The following AVPR2 variants were observed in gnomAD, a reference collection of about 807,000 sequenced individuals.
AVPR2 encodes arginine vasopressin receptor 2.
In AVPR2, 3 loss-of-function variants were observed where a neutral mutation model predicts 12.0. The ratio of observed to expected loss-of-function variants is 0.25; its 90% confidence interval spans 0.11 to 0.64. The LOEUF is 0.64. Among genes scored for constraint, AVPR2 ranks in the 30% least tolerant of loss-of-function variants. The probability of loss-of-function intolerance (pLI) is 0.84; values close to 1 mark genes in which losing one functional copy is unlikely to be tolerated. For missense variants in AVPR2, 279 were observed against 347.9 expected, an observed-to-expected ratio of 0.80 and a Z score of 1.58; for synonymous variants, 143 against 147.5, an observed-to-expected ratio of 0.97 and a Z score of 0.22.
At position 153,906,360 on chromosome X, in the gene AVPR2, C is replaced by T. The variant is rs1819073800; in HGVS notation, c.854C>T (p.Ala285Val). 1 of 1,210,425 alleles carries T rather than the reference C, an allele frequency of 8.3e-7. No homozygotes were observed. The highest frequency in any genetic ancestry group is 1.7e-5 in the African/African-American group (1 of 57,385). The change falls in exon 3 of 4, where the codon GCA (alanine) becomes GTA (valine). Residue 285 changes from alanine to valine, a missense_variant. By Grantham distance (64) the Ala-to-Val change is moderately conservative. Coordinates refer to ENST00000646375, the MANE Select transcript of AVPR2 (RefSeq NM_000054.7). ...GTGGTCGTCTATGTGCTGTGCTGGG[C>T]ACCCTTCTTCCTGGTGCAGCTGTGG... is the stretch of plus-strand genomic sequence containing the variant. Reference protein sequence around the residue: ...VIVVVYVLCWAPFFLVQLWAA... With the variant: ...VIVVVYVLCWVPFFLVQLWAA...
In AVPR2 at chrX:153,907,147, A is replaced by C; in HGVS notation, c.*419A>C. On this transcript the variant is annotated 3_prime_UTR_variant, in exon 4 of 4. Coordinates refer to ENST00000646375, the MANE Select transcript of AVPR2 (RefSeq NM_000054.7). ...CCTCCTCATTCTCTCCCTAATAAAA[A>C]TTGGAGCTCATTTTCCACATGGCAA... The C allele has an allele frequency of 2.9e-6, 1 of 348,010 alleles. No individual in the cohort carries two copies. The highest frequency in any genetic ancestry group is 5.5e-6 in the Non-Finnish European group (1 of 182,505). 28.7% of individuals were successfully genotyped at this position (348,010 alleles called of 1,213,427 possible). A position where few individuals can be genotyped will look rare whatever the true frequency, so the allele number is the denominator to read the frequency against.
Position 153,906,525 on chromosome X carries a change from G to A in AVPR2, c.913G>A (p.Ala305Thr), listed in dbSNP as rs145953185. Reference sequence around the variant, plus strand: ...ACCTAGATCCTCCACCTCCACAGGGGCGCCCTTTGTGCTACTCATGTTGCT... The same window carrying A: ...ACCTAGATCCTCCACCTCCACAGGGACGCCCTTTGTGCTACTCATGTTGCT... The part of the protein sequence containing the change: ...AWDPEAPLEG[A>T]PFVLLMLLAS... Residue 305 changes from alanine to threonine, a missense_variant and splice_region_variant, in exon 4 of 4, where the codon GCG becomes ACG. By Grantham distance (58) the Ala-to-Thr change is moderately conservative. Coordinates refer to ENST00000646375, the MANE Select transcript of AVPR2 (RefSeq NM_000054.7). 9.7e-5 allele frequency: 117 copies of A among 1,206,874 alleles called. No individual in the cohort carries two copies. The African/African-American group carries it at 1.8e-3, about 19-fold the overall frequency.
Position 153,905,934 on chromosome X carries a change from G to A in AVPR2, c.428G>A (p.Arg143His), listed in dbSNP as rs146238429. 4.2e-5 allele frequency: 51 copies of A among 1,203,172 alleles called. No individual in the cohort carries two copies. The highest frequency in any genetic ancestry group is 1.5e-4 in the Admixed American group (7 of 46,108). ...MTLDRHRAIC[R>H]PMLAYRHGSG... ...CTGGACCGCCACCGTGCCATCTGCC[G>A]TCCCATGCTGGCGTACCGCCATGGA... Residue 143 changes from arginine (R) to histidine (H), a missense_variant, in exon 3 of 4, where the codon CGT (arginine) becomes CAT (histidine). Coordinates refer to ENST00000646375, the MANE Select transcript of AVPR2 (RefSeq NM_000054.7).
At chrX:153,903,287 G>A (rs949974719), upstream of AVPR2, among the ~76,000 whole-genome samples, 4 of 113,322 alleles carry the variant, frequency 3.5e-5, no homozygotes, top group Non-Finnish European at 7.5e-5. Context: ...CAGCTGAAGC[G>A]TCAGGCCTGG....
rs2064957926 is a variant in AVPR2 at position 153,905,622 on chromosome X, C to T, written c.116C>T (p.Ala39Val). The T allele has an allele frequency of 4.1e-6, 5 of 1,210,383 alleles. No individual in the cohort carries two copies. The highest frequency in any genetic ancestry group is 3.5e-5 in the South Asian group (2 of 56,840). ...ACCCGGGACCCGCTGCTAGCCCGGG[C>T]GGAGCTGGCGCTGCTCTCCATAGTC... ...LDTRDPLLAR[A>V]ELALLSIVFV... The change falls in exon 3 of 4, where the codon GCG becomes GTG. Residue 39 changes from alanine to valine, a missense_variant. Coordinates refer to ENST00000646375, the MANE Select transcript of AVPR2 (RefSeq NM_000054.7).
Position 153,906,693 on chromosome X carries a change from G to A in AVPR2, c.1081G>A (p.Ala361Thr), listed in dbSNP as rs782297695. Residue 361 changes from alanine (A) to threonine (T), a missense_variant, in exon 4 of 4, where the codon GCC becomes ACC. Physicochemically the swap from Ala to Thr is moderately conservative, Grantham distance 58 (BLOSUM62 0). Coordinates refer to ENST00000646375, the MANE Select transcript of AVPR2 (RefSeq NM_000054.7). Reference sequence around the variant, plus strand: ...TCCCCAAGATGAGTCCTGCACCACCGCCAGCTCCTCCCTGGCCAAGGACAC... The same window carrying A: ...TCCCCAAGATGAGTCCTGCACCACCACCAGCTCCTCCCTGGCCAAGGACAC... The part of the protein sequence containing the change: ...LGPQDESCTT[A>T]SSSLAKDTSS 18 of 1,210,606 alleles carry A rather than the reference G, an allele frequency of 1.5e-5. No homozygotes were observed. In the East Asian group the frequency reaches 3.0e-4, roughly 20 times the overall value.
rs1557100761 is a variant in AVPR2, at chrX:153,906,063, G to A, written c.557G>A (p.Gly186Asp). 1.7e-5 allele frequency: 21 copies of A among 1,211,745 alleles called. No homozygotes were observed. The highest frequency in any genetic ancestry group is 2.2e-5 in the Non-Finnish European group (20 of 895,553). The change falls in exon 3 of 4, where the codon GGC (glycine) becomes GAC (aspartate). Residue 186 changes from glycine to aspartate, a missense_variant. By Grantham distance (94) the Gly-to-Asp change is moderately conservative. Coordinates refer to ENST00000646375, the MANE Select transcript of AVPR2 (RefSeq NM_000054.7). ...TTCGCCCAGCGCAACGTGGAAGGTG[G>A]CAGCGGGGTCACTGACTGCTGGGCC... ...FIFAQRNVEG[G>D]SGVTDCWACF... is the part of the protein sequence containing the mutation.
In AVPR2 at chrX:153,906,183, T is replaced by C. The variant is rs1557100814; in HGVS notation, c.677T>C (p.Val226Ala). The change falls in exon 3 of 4, where the codon GTG becomes GCG. Residue 226 changes from valine (V) to alanine (A), a missense_variant. Transcript: ENST00000646375. ...APTLGIAACQVLIFREIHASL... is the reference protein window; with the variant it reads ...APTLGIAACQALIFREIHASL... ...ACCCTGGGTATCGCCGCCTGCCAGG[T>C]GCTCATCTTCCGGGAGATTCATGCC... 1 of 1,212,309 alleles carries C rather than the reference T, an allele frequency of 8.2e-7. No homozygotes were observed.
chrX:153,906,694 C>T lies in AVPR2; in HGVS notation c.1082C>T (p.Ala361Val), dbSNP rs2064970740. 1 of 1,210,665 alleles carries T rather than the reference C, an allele frequency of 8.3e-7. No individual in the cohort carries two copies. Residue 361 changes from alanine to valine, a missense_variant, in exon 4 of 4, where the codon GCC (alanine) becomes GTC (valine). Transcript: ENST00000646375. The part of the protein sequence containing the change: ...LGPQDESCTT[A>V]SSSLAKDTSS Reference sequence around the variant, plus strand: ...CCCCAAGATGAGTCCTGCACCACCGCCAGCTCCTCCCTGGCCAAGGACACT... The same window carrying T: ...CCCCAAGATGAGTCCTGCACCACCGTCAGCTCCTCCCTGGCCAAGGACACT...
At position 153,906,902 on chromosome X, in the gene AVPR2, C is replaced by T. The variant is rs1557101242; in HGVS notation, c.*174C>T. 3.6e-6 allele frequency: 2 copies of T among 555,677 alleles called. No homozygotes were observed. The highest frequency in any genetic ancestry group is 7.2e-5 in the East Asian group (2 of 27,723). 45.8% of individuals were successfully genotyped at this position (555,677 alleles called of 1,213,427 possible). A position where few individuals can be genotyped will look rare whatever the true frequency, so the allele number is the denominator to read the frequency against. ...GCCACAGCCCCTGCCTGGGTCTCCA[C>T]ATCCCCAGCTGTATGAGGAGAGCTT... On this transcript the variant is annotated 3_prime_UTR_variant, in exon 4 of 4. Coordinates refer to ENST00000646375, the MANE Select transcript of AVPR2 (RefSeq NM_000054.7).
rs1217167048 is a variant in AVPR2 at position 153,906,819 on chromosome X, T to C, written c.*91T>C. 2 of 942,587 alleles carry C rather than the reference T, an allele frequency of 2.1e-6. No homozygotes were observed. The highest frequency in any genetic ancestry group is 3.0e-6 in the Non-Finnish European group (2 of 669,044). 77.7% of individuals were successfully genotyped at this position (942,587 alleles called of 1,213,427 possible). On this transcript the variant is annotated 3_prime_UTR_variant, in exon 4 of 4. Transcript: ENST00000646375. ...TGGGAGCCACTGGGAGGGGGACCCG[T>C]GGAGAATTGGCCAGAGCCTGTGGCC...
upstream of AVPR2, among the ~76,000 whole-genome samples, chrX:153,904,223 C>G (rs181380839): frequency 8.9e-6 from 1 of 112,092 alleles, no homozygotes; most frequent in East Asian, 2.8e-4. Flanking sequence ...TCCTCCCTTT[C>G]CTGTCCCTCG....
At chrX:153,902,718 C>A (rs1557099674), upstream of AVPR2, 1 of 329,971 alleles carries the variant, frequency 3.0e-6, no homozygotes, top group Non-Finnish European at 5.9e-6. Context: ...GGCCCTTCCT[C>A]CAGATTCTTC....
intron 2 of AVPR2, 38 bp downstream of exon 2, chrX:153,905,208 G>A (rs2064954115): frequency 8.3e-7 from 1 of 1,208,587 alleles, no homozygotes. Context: ...TGGGCAGAGT[G>A]GGTTTGACGA....
rs782412366 is a variant in AVPR2, at chrX:153,905,974, G to T, written c.468G>T (p.Trp156Cys). 2.5e-6 allele frequency: 3 copies of T among 1,204,373 alleles called. No homozygotes were observed. In the African/African-American group the frequency reaches 5.2e-5, roughly 21 times the overall value. ...ACCGCCATGGAAGTGGGGCTCACTG[G>T]AACCGGCCGGTGCTAGTGGCTTGGG... The part of the protein sequence containing the change: ...LAYRHGSGAH[W>C]NRPVLVAWAF... Residue 156 changes from tryptophan to cysteine, a missense_variant, in exon 3 of 4, where the codon TGG (tryptophan) becomes TGT (cysteine). By Grantham distance (215) the Trp-to-Cys change is radical (BLOSUM62 -2). Transcript: ENST00000646375.
rs5204 is a variant in AVPR2, at chrX:153,906,745, T to C, written c.*17T>C. ...TCATCGTGAGGAGCTGTTGGGTGTC[T>C]TGCCTCTAGAGGCTTTGAGAAGCTC... On this transcript the variant is annotated 3_prime_UTR_variant, in exon 4 of 4. Coordinates refer to ENST00000646375, the MANE Select transcript of AVPR2 (RefSeq NM_000054.7). 376 of 1,195,702 alleles carry C rather than the reference T, an allele frequency of 3.1e-4. No homozygotes were observed. The African/African-American group carries it at 5.7e-3, about 18-fold the overall frequency.
Position 153,906,650 on chromosome X carries a change from C to A in AVPR2, c.1038C>A (p.Arg346=), listed in dbSNP as rs1557101109. The change falls in exon 4 of 4, where the codon CGC becomes CGA. Residue 346 remains arginine (R), a synonymous_variant. Transcript: ENST00000646375. ...GCTTGCTCTGCTGTGCCCGGGGACGCACCCCACCCAGCCTGGGTCCCCAAG... is the reference window on the plus strand; with the variant it reads ...GCTTGCTCTGCTGTGCCCGGGGACGAACCCCACCCAGCCTGGGTCCCCAAG... ...LRSLLCCARG[R]TPPSLGPQDE... is the part of the protein sequence containing the mutation. 2 of 1,209,446 alleles carry A rather than the reference C, an allele frequency of 1.7e-6. No individual in the cohort carries two copies.
intron 2 of AVPR2, 143 bp from the exon 3 acceptor site, chrX:153,905,389 G>A: frequency 1.2e-6 from 1 of 808,352 alleles, no homozygotes; most frequent in South Asian, 2.3e-5. Flanking sequence ...CCTGGGGTGT[G>A]TATCCCTCAT....
intron 3 of AVPR2, 48 bp downstream of exon 3, chrX:153,906,464 G>A (rs782786048): frequency 8.2e-5 from 98 of 1,199,903 alleles, no homozygotes; most frequent in Non-Finnish European, 8.2e-5. Flanking sequence ...GGGCTTGGCC[G>A]CATGCCCCTG....
Sources: gnomAD v4.1 joint callset for allele counts (sites outside exome capture counted in the v4.1 genomes callset) on GRCh38, gnomAD v4.1.1 for gene constraint, MANE v1.5 for transcripts, NCBI Gene and HGNC (gene_info 2026-07-23, HGNC 2026-07-21) for gene names.